SYTL5: variants seen among roughly 807,000 people sequenced by gnomAD.
The protein encoded by SYTL5 is synaptotagmin-like protein 5.
A neutral mutation model predicts 55.9 loss-of-function variants in SYTL5; 34 were observed. The observed-to-expected ratio is 0.61, with a 90% CI of 0.46 to 0.81. SYTL5 has a LOEUF of 0.81. Ranked by LOEUF, SYTL5 falls within the 30% of genes least tolerant of loss-of-function variation. The pLI is 0.00. For missense variants in SYTL5, 637 were observed against 546.7 expected (o/e 1.17, Z -1.65); for synonymous variants, 221 against 188.7 (o/e 1.17, Z -1.40).
rs181406088 is a variant in SYTL5 at position 38,105,833 on chromosome X, T to C, written c.1156-760T>C. On this transcript the variant is annotated intron_variant, in intron 10 of 16. Coordinates refer to ENST00000297875, the MANE Select transcript of SYTL5 (RefSeq NM_138780.3). ...CTACTATAAATTAAAAGCTGTCTCATGTCATTAGTGTCTTGTCAAAAGCCT... is the reference window on the plus strand; with the variant it reads ...CTACTATAAATTAAAAGCTGTCTCACGTCATTAGTGTCTTGTCAAAAGCCT... Among the ~76,000 whole-genome samples, 175 of 112,545 alleles carry C rather than the reference T, an allele frequency of 1.6e-3. No homozygotes were observed. In the Middle Eastern group the frequency reaches 0.019, roughly 12 times the overall value.
At chrX:38,066,265 G>T (rs1936098455) in intron 3 of SYTL5, among the ~76,000 whole-genome samples, 1 of 111,419 alleles carries the variant, frequency 9.0e-6, no homozygotes, top group Non-Finnish European at 1.9e-5. Context: ...TGAATCTTTT[G>T]GTCATTATTC....
chrX:37,981,454 C>T, the SYTL5 span, among the ~76,000 whole-genome samples: 1 of 111,094 alleles, frequency 9.0e-6, no homozygotes, highest in Non-Finnish European at 1.9e-5. Context: ...TGCCACCATG[C>T]CTAGCTAATT....
At chrX:37,916,326 CACTT>C in the SYTL5 span, among the ~76,000 whole-genome samples, 39 of 112,552 alleles carry the variant, frequency 3.5e-4, no homozygotes, top group African/African-American at 1.3e-3. Flanking sequence ...TCCACTAAAA[CACTT>C]ACTTTCAGGG....
rs945186761 is a variant in SYTL5, at chrX:38,110,256, C to T, written c.1435-65C>T. ...TCTGAAAGATGTTGGAAGTAAATTT[C>T]GACCTCTCCTGGAATTGGATAGAGC... On this transcript the variant is annotated intron_variant, in intron 12 of 16. Coordinates refer to ENST00000297875, the MANE Select transcript of SYTL5 (RefSeq NM_138780.3). 1.6e-5 allele frequency: 14 copies of T among 879,536 alleles called. No homozygotes were observed. The Middle Eastern group carries it at 8.9e-4, about 56-fold the overall frequency. 72.5% of individuals were successfully genotyped at this position (879,536 alleles called of 1,213,427 possible). A position where few individuals can be genotyped will look rare whatever the true frequency, so the allele number is the denominator to read the frequency against.
the SYTL5 span, among the ~76,000 whole-genome samples, chrX:37,908,554 A>T: frequency 1.8e-5 from 2 of 111,832 alleles, no homozygotes; most frequent in African/African-American, 6.5e-5. Flanking sequence ...CAAGAAAATA[A>T]GTCTTTTTGA....
chrX:38,053,084 G>A (rs1458929611), intron 2 of SYTL5, among the ~76,000 whole-genome samples: 4 of 112,215 alleles, frequency 3.6e-5, no homozygotes, highest in African/African-American at 1.3e-4. Flanking sequence ...CCAAATTTGA[G>A]ACTGAATCTC....
At chrX:37,957,585 A>C in the SYTL5 span, among the ~76,000 whole-genome samples, 1 of 112,012 alleles carries the variant, frequency 8.9e-6, no homozygotes, top group Non-Finnish European at 1.9e-5. Flanking sequence ...TCTGTTGACT[A>C]CATGTATGGG....
chrX:38,066,099 C>CA (rs754578735), intron 3 of SYTL5, among the ~76,000 whole-genome samples: 5 of 105,576 alleles, frequency 4.7e-5, no homozygotes, highest in Non-Finnish European at 5.9e-5. Flanking sequence ...GATTCTGTCT[C>CA]AAAAAAAAAT....
chrX:37,892,812 G>A, the SYTL5 span, among the ~76,000 whole-genome samples: 14 of 90,717 alleles, frequency 1.5e-4, no homozygotes, highest in Non-Finnish European at 2.8e-4. Context: ...ATATATGTAT[G>A]TATAATATAT....
chrX:38,108,762 G>A (rs929564879), intron 12 of SYTL5, 63 bp downstream of exon 12: 2 of 692,464 alleles, frequency 2.9e-6, no homozygotes, highest in African/African-American at 2.2e-5. Context: ...TGGTTTAGAA[G>A]TAACTACAGA....
At chrX:37,985,142 T>C in the SYTL5 span, among the ~76,000 whole-genome samples, 1 of 111,847 alleles carries the variant, frequency 8.9e-6, no homozygotes, top group African/African-American at 3.2e-5. Flanking sequence ...TAAGCAAAGA[T>C]ACAAGTAAAA....
chrX:38,101,366 T>G (rs1372355289), intron 9 of SYTL5, among the ~76,000 whole-genome samples: 1 of 111,192 alleles, frequency 9.0e-6, no homozygotes, highest in Non-Finnish European at 1.9e-5. Flanking sequence ...ATAAAGACTT[T>G]TTTAAAGCAA....
the SYTL5 span, among the ~76,000 whole-genome samples, chrX:37,963,289 GTTT>G: frequency 2.6e-4 from 23 of 86,920 alleles, no homozygotes; most frequent in Admixed American, 5.2e-4. Context: ...GTTTTTGTGG[GTTT>G]TTTTTTTTTT....
rs770880064 is a variant in SYTL5, at chrX:38,036,931, A to T, written c.119+2923A>T. Among the ~76,000 whole-genome samples, 4 of 112,076 alleles carry T rather than the reference A, an allele frequency of 3.6e-5. No homozygotes were observed. The South Asian group carries it at 1.5e-3, about 42-fold the overall frequency. Reference sequence around the variant, plus strand: ...AGTAAGCACTCAAAAATTGTTGGTTATAATCATTAGCCCTATAGTTGGTTT... The same window carrying T: ...AGTAAGCACTCAAAAATTGTTGGTTTTAATCATTAGCCCTATAGTTGGTTT... On this transcript the variant is annotated intron_variant, in intron 2 of 16. Transcript: ENST00000297875.
upstream of SYTL5, among the ~76,000 whole-genome samples, chrX:38,004,188 A>G (rs1017066229): frequency 9.0e-6 from 1 of 111,055 alleles, no homozygotes; most frequent in Non-Finnish European, 1.9e-5. Flanking sequence ...GAGCTTCTTA[A>G]CTTGATGTGA....
intron 13 of SYTL5, among the ~76,000 whole-genome samples, chrX:38,116,592 T>C (rs192076342): frequency 6.6e-4 from 74 of 112,744 alleles, no homozygotes; most frequent in Admixed American, 1.3e-3. Context: ...CTAAAAAATG[T>C]ATGATTTTTT....
intron 2 of SYTL5, among the ~76,000 whole-genome samples, chrX:38,034,588 A>G (rs1935049915): frequency 8.9e-6 from 1 of 112,395 alleles, no homozygotes; most frequent in Admixed American, 9.4e-5. Context: ...CCCAGAAACC[A>G]CTTGAATTTT....
chrX:38,061,431 G>T (rs976172283), intron 3 of SYTL5, among the ~76,000 whole-genome samples: 1 of 111,442 alleles, frequency 9.0e-6, no homozygotes, highest in African/African-American at 3.3e-5. Flanking sequence ...TATTGTGAGA[G>T]AATATTGCAG....
At chrX:38,009,530 C>T (rs1934107851) in intron 1 of SYTL5, among the ~76,000 whole-genome samples, 2 of 112,035 alleles carry the variant, frequency 1.8e-5, no homozygotes, top group Admixed American at 1.9e-4. Flanking sequence ...ATCCAAACCA[C>T]TACCAAGTCC....
Sources: gnomAD v4.1 joint callset for allele counts (sites outside exome capture counted in the v4.1 genomes callset) on GRCh38, gnomAD v4.1.1 for gene constraint, MANE v1.5 for transcripts, NCBI Gene and HGNC (gene_info 2026-07-23, HGNC 2026-07-21) for gene names.